ARID3B: variants seen among roughly 807,000 people sequenced by gnomAD.
The protein encoded by ARID3B is AT-rich interaction domain 3B.
In ARID3B, 10 loss-of-function variants were observed where a neutral mutation model predicts 51.9. The observed-to-expected ratio is 0.19, with a 90% CI of 0.12 to 0.33. The LOEUF is 0.33. Ranked by LOEUF, ARID3B falls within the 10% of genes least tolerant of loss-of-function variation. The pLI is 1.00. For synonymous variants in ARID3B, 205 were observed against 279.5 expected (o/e 0.73, Z 2.66); for missense variants, 483 against 716.3 (o/e 0.67, Z 3.72).
intron 8 of ARID3B, among the ~76,000 whole-genome samples, chr15:74,593,705 T>C (rs745317252): frequency 5.3e-5 from 8 of 152,194 alleles, no homozygotes; most frequent in Non-Finnish European, 8.8e-5. Context: ...TTTTGTTGGT[T>C]GGTTGATTTC....
At chr15:74,555,796 T>C (rs1348992371) in intron 2 of ARID3B, among the ~76,000 whole-genome samples, 1 of 143,760 alleles carries the variant, frequency 7.0e-6, no homozygotes, top group Non-Finnish European at 1.5e-5. Context: ...CTTTTTTTTT[T>C]TTTTTTTTTT....
intron 2 of ARID3B, among the ~76,000 whole-genome samples, chr15:74,570,659 G>A (rs987214886): frequency 4.6e-5 from 7 of 152,064 alleles, no homozygotes; most frequent in African/African-American, 1.7e-4. Flanking sequence ...CAACTGATAG[G>A]GGCTCCTGGG....
chr15:74,590,505 T>C (rs1416955156), intron 5 of ARID3B, among the ~76,000 whole-genome samples: 3 of 152,172 alleles, frequency 2.0e-5, no homozygotes, highest in African/African-American at 7.2e-5. Flanking sequence ...CCCCTTGGAT[T>C]GGTGACCTGG....
chr15:74,592,730 C>T (rs1026807254), intron 7 of ARID3B, among the ~76,000 whole-genome samples: 5 of 152,220 alleles, frequency 3.3e-5, no homozygotes, highest in African/African-American at 1.2e-4. Flanking sequence ...CTCTGAGGGA[C>T]TCAGAGTCAA....
intron 2 of ARID3B, among the ~76,000 whole-genome samples, chr15:74,549,108 C>T (rs1427121145): frequency 6.6e-6 from 1 of 151,366 alleles, no homozygotes; most frequent in East Asian, 2.0e-4. Flanking sequence ...CGGTGTCTCG[C>T]TGTCACTCAG....
intron 4 of ARID3B, among the ~76,000 whole-genome samples, chr15:74,575,237 T>G (rs755970314): frequency 1.3e-5 from 2 of 152,180 alleles, no homozygotes; most frequent in Non-Finnish European, 2.9e-5. Flanking sequence ...TCCACTGCTT[T>G]ATTTTCCACT....
chr15:74,584,679 T>C (rs567622852), intron 4 of ARID3B, among the ~76,000 whole-genome samples: 1 of 152,254 alleles, frequency 6.6e-6, no homozygotes, highest in East Asian at 1.9e-4. Flanking sequence ...CCATCTCTTC[T>C]GCCCTCACCC....
chr15:74,589,327 C>T (rs1472913136), intron 4 of ARID3B, among the ~76,000 whole-genome samples: 1 of 152,028 alleles, frequency 6.6e-6, no homozygotes, highest in Non-Finnish European at 1.5e-5. Flanking sequence ...CCGCACCCAG[C>T]CAGCGAGCAC....
In ARID3B at chr15:74,591,643, C is replaced by T. The variant is rs372219475; in HGVS notation, c.1249C>T (p.Arg417Trp). ...CTTGGCAAGCCAGCAGGCTGGTACT[C>T]GGACCGCCGCACTGGAGCAGCTGCG... ...VTLASQQAGT[R>W]TAALEQLRER... Residue 417 changes from arginine (R) to tryptophan (W), a missense_variant, in exon 7 of 9, where the codon CGG becomes TGG. Physicochemically the swap from Arg to Trp is moderately radical, Grantham distance 101. Around this residue, in one of 3 missense-constraint regions of ARID3B, gnomAD observed 265 missense variants for 354.4 expected, o/e 0.75. Transcript: ENST00000346246. This position sits in a 1 kb window ranked among gnomAD's most constrained non-coding sequence, Gnocchi z 5.8. 145 of 1,602,700 alleles carry T rather than the reference C, an allele frequency of 9.0e-5. No homozygotes were observed. The highest frequency in any genetic ancestry group is 1.2e-4 in the Non-Finnish European group (143 of 1,174,656).
At chr15:74,579,539 A>T (rs1453652972) in intron 4 of ARID3B, among the ~76,000 whole-genome samples, 1 of 152,144 alleles carries the variant, frequency 6.6e-6, no homozygotes, top group African/African-American at 2.4e-5. Context: ...TGTGTCCATG[A>T]TTGTGTCTAT....
intron 4 of ARID3B, among the ~76,000 whole-genome samples, chr15:74,578,292 G>A (rs1436872479): frequency 6.6e-6 from 1 of 151,594 alleles, no homozygotes; most frequent in Admixed American, 6.6e-5. Context: ...TCCTGCCTCA[G>A]CCTCCCAAGT....
intron 1 of ARID3B, among the ~76,000 whole-genome samples, chr15:74,542,523 T>C (rs2061598897): frequency 6.6e-6 from 1 of 152,242 alleles, no homozygotes; most frequent in Non-Finnish European, 1.5e-5. Flanking sequence ...TTGTACCCTT[T>C]TTTACTCTAA....
chr15:74,591,490 T>C lies in ARID3B; in HGVS notation c.1165+56T>C. ...AAGGGAGGAAGGGATGCCAGTTCCCTGTGTTCAAGACTGGGGTTTTGGGGC... is the reference window on the plus strand; with the variant it reads ...AAGGGAGGAAGGGATGCCAGTTCCCCGTGTTCAAGACTGGGGTTTTGGGGC... On this transcript the variant is annotated intron_variant, in intron 6 of 8. Coordinates refer to ENST00000346246, the MANE Select transcript of ARID3B (RefSeq NM_006465.4). The surrounding 1 kb of genome is among the most constrained non-coding windows in gnomAD (Gnocchi z 5.8). 6.3e-7 allele frequency: 1 copy of C among 1,592,408 alleles called. No homozygotes were observed. Among genetic ancestry groups the C allele is most frequent in the South Asian group, 1.1e-5 (1 of 88,902 alleles).
intron 4 of ARID3B, among the ~76,000 whole-genome samples, chr15:74,577,138 A>G (rs1341373181): frequency 1.3e-5 from 2 of 152,088 alleles, no homozygotes; most frequent in Non-Finnish European, 2.9e-5. Flanking sequence ...CTTTCTAGAA[A>G]ACTCTTATCT....
intron 2 of ARID3B, among the ~76,000 whole-genome samples, chr15:74,568,976 CTT>C (rs1349105384): frequency 6.6e-6 from 1 of 152,178 alleles, no homozygotes; most frequent in Non-Finnish European, 1.5e-5. Flanking sequence ...TGAGCTGTCT[CTT>C]TTTGGGTTTG....
intron 2 of ARID3B, among the ~76,000 whole-genome samples, chr15:74,562,545 G>A (rs527367671): frequency 6.6e-6 from 1 of 152,118 alleles, no homozygotes; most frequent in East Asian, 1.9e-4. Flanking sequence ...GGAATGCAGT[G>A]GTGTGATTGC....
intron 4 of ARID3B, among the ~76,000 whole-genome samples, chr15:74,588,689 C>T (rs928043974): frequency 4.6e-5 from 7 of 152,090 alleles, no homozygotes; most frequent in East Asian, 1.9e-4. Flanking sequence ...GCATCCCAGC[C>T]GGCTGTGAAA....
At chr15:74,558,668 G>A (rs1373050060) in intron 2 of ARID3B, among the ~76,000 whole-genome samples, 1 of 152,160 alleles carries the variant, frequency 6.6e-6, no homozygotes, top group Non-Finnish European at 1.5e-5. Flanking sequence ...TGCTTTTAGA[G>A]TCTATTATTA....
chr15:74,590,438 AC>A (rs750106938), intron 5 of ARID3B, among the ~76,000 whole-genome samples: 3 of 152,176 alleles, frequency 2.0e-5, no homozygotes, highest in Non-Finnish European at 2.9e-5. Flanking sequence ...GGCCCCTCTT[AC>A]CTGATATTCA....
Sources: gnomAD v4.1 joint callset for allele counts (sites outside exome capture counted in the v4.1 genomes callset) on GRCh38, gnomAD v4.1.1 for gene constraint, gnomAD v4.1.1 regional missense constraint, Gnocchi (gnomAD v3.1) non-coding constraint, MANE v1.5 for transcripts, NCBI Gene and HGNC (gene_info 2026-07-23, HGNC 2026-07-21) for gene names.